SDK1: variants seen among roughly 807,000 people sequenced by gnomAD.
SDK1 encodes protein sidekick-1.
SDK1 carries 157 observed loss-of-function variants against 245.5 expected under a neutral mutation model. The observed-to-expected ratio is 0.64, with a 90% confidence interval of 0.56 to 0.73. SDK1 has a LOEUF of 0.73. Ranked by LOEUF, SDK1 falls within the 30% of genes least tolerant of loss-of-function variation. The probability of loss-of-function intolerance (pLI) is 0.00; values close to 1 mark genes in which losing one functional copy is unlikely to be tolerated. For synonymous variants in SDK1, 1,647 were observed against 1,278.5 expected (o/e 1.29, Z -6.15); for missense variants, 3,583 against 3,002.3 (o/e 1.19, Z -4.52).
At chr7:3,980,277 C>T (rs1470363193) in intron 13 of SDK1, among the ~76,000 whole-genome samples, 1 of 152,228 alleles carries the variant, frequency 6.6e-6, no homozygotes, top group African/African-American at 2.4e-5. Flanking sequence ...CTTCATCTCT[C>T]TCCCGTACTG....
rs1784188194 is a variant in SDK1 at position 4,205,866 on chromosome 7, GCT to G, written c.5099-10_5099-9del. ...GAACGTCTCAGCTTCTCTCCGCATT[GCT>G]CTTTCCTCAGCCCCGGCCATGGCCC... On this transcript the variant is annotated splice_polypyrimidine_tract_variant and intron_variant, in intron 35 of 44. Coordinates refer to ENST00000404826, the MANE Select transcript of SDK1 (RefSeq NM_152744.4). 42 of 1,548,224 alleles carry G rather than the reference GCT, an allele frequency of 2.7e-5. No homozygotes were observed. Among genetic ancestry groups the G allele is most frequent in the Non-Finnish European group, 3.7e-5 (42 of 1,144,052 alleles).
chr7:4,073,998 T>A (rs1285537744), intron 20 of SDK1, among the ~76,000 whole-genome samples: 2 of 152,094 alleles, frequency 1.3e-5, no homozygotes, highest in African/African-American at 4.8e-5. Flanking sequence ...TTCCCGGACA[T>A]CGCCTATTGG....
Position 4,151,194 on chromosome 7 carries a change from C to T in SDK1, c.4625+1731C>T, listed in dbSNP as rs181274321. Among the ~76,000 whole-genome samples, 15 of 152,266 alleles carry T rather than the reference C, an allele frequency of 9.9e-5. No homozygotes were observed. In the East Asian group the frequency reaches 1.5e-3, roughly 16 times the overall value. ...CACGGACCATCGGGAACCCATGCTGCGGCTCCCAGGCCCCCATTGGAGACC... is the reference window on the plus strand; with the variant it reads ...CACGGACCATCGGGAACCCATGCTGTGGCTCCCAGGCCCCCATTGGAGACC... On this transcript the variant is annotated intron_variant, in intron 30 of 44. Transcript: ENST00000404826.
At chr7:3,625,766 C>G (rs897961317) in intron 2 of SDK1, among the ~76,000 whole-genome samples, 2 of 152,116 alleles carry the variant, frequency 1.3e-5, no homozygotes, top group Non-Finnish European at 2.9e-5. Context: ...AACCTGCTGG[C>G]TGTGGTGCCA....
chr7:4,144,760 T>C (rs979126089), intron 28 of SDK1, among the ~76,000 whole-genome samples: 2 of 152,080 alleles, frequency 1.3e-5, no homozygotes, highest in Non-Finnish European at 2.9e-5. Flanking sequence ...GAGCCACCAG[T>C]GCAGAGGCCA....
chr7:3,658,127 C>G (rs546541446), intron 4 of SDK1, among the ~76,000 whole-genome samples: 1 of 152,314 alleles, frequency 6.6e-6, no homozygotes, highest in Admixed American at 6.5e-5. Context: ...GCTTGCCCGC[C>G]TCACAGGACT....
At chr7:4,212,595 G>C (rs751878163) in intron 38 of SDK1, among the ~76,000 whole-genome samples, 1 of 152,164 alleles carries the variant, frequency 6.6e-6, no homozygotes, top group Non-Finnish European at 1.5e-5. Flanking sequence ...CACCTGCCTG[G>C]GAGCCAGGGG....
chr7:3,960,948 T>C (rs531585619), intron 8 of SDK1, among the ~76,000 whole-genome samples: 1 of 152,360 alleles, frequency 6.6e-6, no homozygotes, highest in Admixed American at 6.5e-5. Flanking sequence ...ATTTCTGTTA[T>C]GACATTAAAT....
chr7:3,721,422 C>G (rs908080770), intron 4 of SDK1, among the ~76,000 whole-genome samples: 1 of 151,706 alleles, frequency 6.6e-6, no homozygotes, highest in African/African-American at 2.4e-5. Context: ...CTTTGAACTC[C>G]TCGTAAATCT....
At chr7:4,158,383 A>T in intron 30 of SDK1, 65 bp from the exon 31 acceptor site, 1 of 1,341,888 alleles carries the variant, frequency 7.5e-7, no homozygotes. Flanking sequence ...GGGCTTCACC[A>T]GGAATGCCTG....
intron 4 of SDK1, among the ~76,000 whole-genome samples, chr7:3,765,663 T>C (rs1436920856): frequency 6.6e-6 from 1 of 152,234 alleles, no homozygotes; most frequent in Admixed American, 6.5e-5. Context: ...AACAACTTCA[T>C]TATGCTTTCA....
intron 1 of SDK1, among the ~76,000 whole-genome samples, chr7:3,405,929 C>G (rs906693356): frequency 2.9e-4 from 44 of 150,604 alleles, no homozygotes; most frequent in Non-Finnish European, 1.5e-5. Context: ...TCTTCTGCAT[C>G]AGCCTCCTGA....
intron 1 of SDK1, among the ~76,000 whole-genome samples, chr7:3,611,645 C>G (rs1471389553): frequency 6.6e-6 from 1 of 152,114 alleles, no homozygotes; most frequent in Non-Finnish European, 1.5e-5. Flanking sequence ...AGTGGTCGTG[C>G]TAGTTTACAT....
chr7:3,863,701 G>T (rs1348838817), intron 5 of SDK1, among the ~76,000 whole-genome samples: 1 of 152,200 alleles, frequency 6.6e-6, no homozygotes, highest in Non-Finnish European at 1.5e-5. Flanking sequence ...GTCCTTTTAT[G>T]ACTGGCTTCT....
chr7:4,075,037 G>GA (rs1420467214), intron 20 of SDK1, among the ~76,000 whole-genome samples: 1 of 151,172 alleles, frequency 6.6e-6, no homozygotes, highest in Non-Finnish European at 1.5e-5. Context: ...CAGGACCTGA[G>GA]AAGCAGCCAG....
At chr7:4,146,672 C>T (rs951453947) in intron 29 of SDK1, among the ~76,000 whole-genome samples, 2 of 152,342 alleles carry the variant, frequency 1.3e-5, no homozygotes, top group Non-Finnish European at 2.9e-5. Context: ...AAACCCACGT[C>T]CTCCGTAGAG....
At chr7:3,734,024 G>A (rs1281828561) in intron 4 of SDK1, among the ~76,000 whole-genome samples, 2 of 152,192 alleles carry the variant, frequency 1.3e-5, no homozygotes, top group African/African-American at 4.8e-5. Flanking sequence ...AACAGATCCA[G>A]ATCTGCTGTA....
intron 25 of SDK1, among the ~76,000 whole-genome samples, chr7:4,122,719 G>T (rs1348775977): frequency 6.6e-6 from 1 of 151,978 alleles, no homozygotes; most frequent in Non-Finnish European, 1.5e-5. Context: ...AAATGAAGGA[G>T]AAAAGAAGCC....
At chr7:3,805,131 C>T (rs12113979) in intron 4 of SDK1, among the ~76,000 whole-genome samples, 27,960 of 152,180 alleles carry the variant, frequency 0.18, 2,981 homozygotes, top group Middle Eastern at 0.31. Flanking sequence ...ACCATAAGTA[C>T]ATACAATTTT....
Sources: allele counts gnomAD v4.1 joint callset (sites outside exome capture counted in the v4.1 genomes callset), GRCh38; gene constraint gnomAD v4.1.1; transcripts MANE v1.5; gene names NCBI Gene and HGNC (gene_info 2026-07-23, HGNC 2026-07-21).